The following NSD2 variants were observed in gnomAD, a reference collection of about 807,000 sequenced individuals.
NSD2 encodes the protein nuclear receptor binding SET domain protein 2.
In NSD2, 12 loss-of-function variants were observed where a neutral mutation model predicts 139.0. The ratio of observed to expected loss-of-function variants is 0.09; its 90% CI spans 0.06 to 0.14. The LOEUF (loss-of-function observed/expected upper bound fraction) is 0.14. NSD2 is among the 10% of genes least tolerant of loss of function. The pLI is 1.00. For missense variants in NSD2, 1,155 were observed against 1,745.0 expected (o/e 0.66, Z 6.02); for synonymous variants, 669 against 648.7 (o/e 1.03, Z -0.48).
intron 1 of NSD2, among the ~76,000 whole-genome samples, chr4:1,897,260 T>C (rs1243840050): frequency 6.6e-6 from 1 of 151,674 alleles, no homozygotes; most frequent in East Asian, 1.9e-4. Context: ...GATGGGAAGA[T>C]CCCTTGAGCC....
chr4:1,934,905 A>ATATATATATATATATG (rs1383288554), intron 6 of NSD2, among the ~76,000 whole-genome samples: 2 of 131,618 alleles, frequency 1.5e-5, no homozygotes, highest in African/African-American at 5.8e-5. Flanking sequence ...ATATATATAT[A>ATATATATATATATATG]TATAAAAAAC....
In NSD2 at chr4:1,981,030, C is replaced by T. The variant is rs116110889; in HGVS notation, c.*2121C>T. On this transcript the variant is annotated 3_prime_UTR_variant, in exon 22 of 22. Transcript: ENST00000508803. ...GCAGGTAAGGGACTACCAATGCTTACGTCAAAACAGCAGAATCGGCTTTGC... is the reference window on the plus strand; with the variant it reads ...GCAGGTAAGGGACTACCAATGCTTATGTCAAAACAGCAGAATCGGCTTTGC... 2.3e-4 allele frequency: 53 copies of T among 233,232 alleles called. No homozygotes were observed. The highest frequency in any genetic ancestry group is 3.6e-4 in the South Asian group (2 of 5,530). 14.4% of individuals were successfully genotyped at this position (233,232 alleles called of 1,614,324 possible).
chr4:1,952,153 T>C lies in NSD2; in HGVS notation c.2059T>C (p.Cys687Arg). 1.2e-6 allele frequency: 2 copies of C among 1,614,138 alleles called. No homozygotes were observed. The highest frequency in any genetic ancestry group is 1.7e-6 in the Non-Finnish European group (2 of 1,180,020). The change falls in exon 11 of 22, where the codon TGC becomes CGC. Residue 687 changes from cysteine to arginine, a missense_variant. Around this residue, in one of 8 missense-constraint regions of NSD2, gnomAD observed 120 missense variants for 239.3 expected, o/e 0.50. Transcript: ENST00000508803. The part of the protein sequence containing the change: ...GSLLLCEGPC[C>R]GAFHLACLGL... ...CCTCCTGCTCTGTGAAGGACCCTGC[T>C]GCGGAGCTTTCCACCTCGCCTGCCT...
intron 1 of NSD2, among the ~76,000 whole-genome samples, chr4:1,896,330 T>G (rs1716297454): frequency 6.6e-6 from 1 of 152,276 alleles, no homozygotes; most frequent in South Asian, 2.1e-4. Flanking sequence ...GGCTCCAGAC[T>G]GCTGTTCCCT....
At chr4:1,970,721 G>A (rs1449510950) in intron 18 of NSD2, among the ~76,000 whole-genome samples, 4 of 152,176 alleles carry the variant, frequency 2.6e-5, no homozygotes, top group Admixed American at 6.5e-5. Context: ...CTCTAGGGGC[G>A]GTTGAGGGAG....
At chr4:1,957,166 G>T (rs1724903906) in intron 15 of NSD2, among the ~76,000 whole-genome samples, 1 of 152,146 alleles carries the variant, frequency 6.6e-6, no homozygotes, top group African/African-American at 2.4e-5. Context: ...CATGGGGCTG[G>T]CCTCCTTCTT....
In NSD2 at chr4:1,961,221, C is replaced by A. The variant is rs899295481; in HGVS notation, c.3372+70C>A. On this transcript the variant is annotated intron_variant, in intron 18 of 21. Transcript: ENST00000508803. ...GGAGCCCTGATGGTCACCTGTAGAA[C>A]TGGACTTTGCCCTGTGGCAGCGCCA... 8 of 1,295,196 alleles carry A rather than the reference C, an allele frequency of 6.2e-6. No homozygotes were observed. The Admixed American group carries it at 1.4e-4, about 22-fold the overall frequency. The allele number at this position is 1,295,196 out of a possible 1,614,324, so 80.2% of individuals were successfully genotyped here.
At chr4:1,966,602 A>G (rs1265135114) in intron 18 of NSD2, among the ~76,000 whole-genome samples, 1 of 151,406 alleles carries the variant, frequency 6.6e-6, no homozygotes, top group Non-Finnish European at 1.5e-5. Context: ...ACTTGCAGTG[A>G]GCCAAGATCG....
At position 1,942,188 on chromosome 4, in the gene NSD2, A is replaced by G; in HGVS notation, c.1881+2410A>G. 1 of 1,438,346 alleles carries G rather than the reference A, an allele frequency of 7.0e-7. No individual in the cohort carries two copies. The highest frequency in any genetic ancestry group is 9.1e-7 in the Non-Finnish European group (1 of 1,098,460). 89.1% of individuals were successfully genotyped at this position (1,438,346 alleles called of 1,614,324 possible). A position where few individuals can be genotyped will look rare whatever the true frequency, so the allele number is the denominator to read the frequency against. On this transcript the variant is annotated intron_variant, in intron 9 of 21. Transcript: ENST00000508803. This position sits in a 1 kb window ranked among gnomAD's most constrained non-coding sequence, Gnocchi z 4.0. ...ATTGGAATAATTATTACATGGTACT[A>G]CATCACCCTGAGGAAGAGAATAAAT... is the stretch of plus-strand genomic sequence containing the variant.
At chr4:1,935,346 A>G in intron 7 of NSD2, 84 bp downstream of exon 7, 1 of 1,034,284 alleles carries the variant, frequency 9.7e-7, no homozygotes, top group Non-Finnish European at 1.5e-6. Context: ...ATGGGAGCAC[A>G]CATGAGATGC....
rs1267586047 is a variant in NSD2, at chr4:1,919,160, T to C, written c.1410+537T>C. 8 of 137,418 alleles carry C rather than the reference T, an allele frequency of 5.8e-5. No homozygotes were observed. In the East Asian group the frequency reaches 1.4e-3, roughly 25 times the overall value. 8.5% of individuals were successfully genotyped at this position (137,418 alleles called of 1,614,324 possible). On this transcript the variant is annotated intron_variant, in intron 5 of 21. Transcript: ENST00000508803. ...AGCCTGGGTGACAGCAGAGCGAGACTGTGTCTCAAAAAAAAAAAAAAAAAA... is the reference window on the plus strand; with the variant it reads ...AGCCTGGGTGACAGCAGAGCGAGACCGTGTCTCAAAAAAAAAAAAAAAAAA...
chr4:1,922,082 G>A lies in NSD2; in HGVS notation c.1410+3459G>A, dbSNP rs146010988. On this transcript the variant is annotated intron_variant, in intron 5 of 21. Transcript: ENST00000508803. ...AGAATTGCTGGAACCTGGAGGCAGA[G>A]GTTGCCGTGAGCTGAGATCACACTA... is the stretch of plus-strand genomic sequence containing the variant. Among the ~76,000 whole-genome samples the A allele has an allele frequency of 5.4e-3, 821 of 152,262 alleles. 3 individuals are homozygous for A. The highest frequency in any genetic ancestry group is 0.019 in the African/African-American group (790 of 41,550).
At chr4:1,872,960 G>A (rs574022657) in intron 1 of NSD2, among the ~76,000 whole-genome samples, 2 of 152,294 alleles carry the variant, frequency 1.3e-5, no homozygotes, top group South Asian at 4.1e-4. Flanking sequence ...ACAACATAAA[G>A]CAAACAAGTT....
intron 3 of NSD2, among the ~76,000 whole-genome samples, chr4:1,914,493 T>C (rs1719099020): frequency 6.6e-6 from 1 of 152,040 alleles, no homozygotes; most frequent in Non-Finnish European, 1.5e-5. Context: ...GCCTGACTAA[T>C]TTTTTGTGTT....
chr4:1,917,842 C>T lies in NSD2; in HGVS notation c.928-299C>T, dbSNP rs118071336. Among the ~76,000 whole-genome samples, 145 of 140,992 alleles carry T rather than the reference C, an allele frequency of 1.0e-3. No individual in the cohort carries two copies. The East Asian group carries it at 0.028, about 27-fold the overall frequency. The allele number at this position is 140,992 out of a possible 152,430, so 92.5% of individuals were successfully genotyped here. A position where few individuals can be genotyped will look rare whatever the true frequency, so the allele number is the denominator to read the frequency against. On this transcript the variant is annotated intron_variant, in intron 4 of 21. Coordinates refer to ENST00000508803, the MANE Select transcript of NSD2 (RefSeq NM_001042424.3). ...GTCACCCCAGGCTAGAGTGCAGTGG[C>T]GTGGTCTCGGGTTACTGCATCCGCT...
chr4:1,944,229 G>C (rs1723391454), intron 9 of NSD2: 2 of 1,066,128 alleles, frequency 1.9e-6, no homozygotes, highest in African/African-American at 3.3e-5. Context: ...TCCTAGAGGA[G>C]CGGAGTTTTC....
intron 8 of NSD2, 40 bp downstream of exon 8, chr4:1,938,572 GC>G: frequency 2.5e-6 from 3 of 1,196,834 alleles, no homozygotes; most frequent in Non-Finnish European, 2.4e-6. Context: ...GCTTCTGGGT[GC>G]CCAGGCTGGG....
At chr4:1,902,388 G>T (rs896806398) in intron 2 of NSD2, among the ~76,000 whole-genome samples, 7 of 152,026 alleles carry the variant, frequency 4.6e-5, no homozygotes, top group African/African-American at 1.7e-4. Flanking sequence ...TATATGCCCA[G>T]TTAATTTTTT....
At chr4:1,914,492 A>AT in intron 3 of NSD2, among the ~76,000 whole-genome samples, 1 of 151,740 alleles carries the variant, frequency 6.6e-6, no homozygotes, top group South Asian at 2.1e-4. Context: ...TGCCTGACTA[A>AT]TTTTTTGTGT....
Sources: gnomAD v4.1 joint callset for allele counts (sites outside exome capture counted in the v4.1 genomes callset) on GRCh38, gnomAD v4.1.1 for gene constraint, gnomAD v4.1.1 regional missense constraint, Gnocchi (gnomAD v3.1) non-coding constraint, MANE v1.5 for transcripts, NCBI Gene and HGNC (gene_info 2026-07-23, HGNC 2026-07-21) for gene names.